Variants in ABCB11 observed in about 807,000 individuals in gnomAD.
ABCB11 encodes the protein bile salt export pump.
ABCB11 carries 95 observed loss-of-function variants against 148.0 expected under a neutral mutation model. The ratio of observed to expected loss-of-function variants is 0.64; its 90% confidence interval spans 0.54 to 0.76. The LOEUF is 0.76. ABCB11 is among the 30% of genes least tolerant of loss of function. The pLI, the probability that ABCB11 is intolerant of heterozygous loss-of-function variation, is 0.00. For synonymous variants in ABCB11, 591 were observed against 555.4 expected, an observed-to-expected ratio of 1.06 and a Z score of -0.90; for missense variants, 1,523 against 1,617.8, an observed-to-expected ratio of 0.94 and a Z score of 1.01.
downstream of ABCB11, among the ~76,000 whole-genome samples, chr2:168,919,413 C>T (rs1353717667): frequency 6.6e-6 from 1 of 152,140 alleles, no homozygotes; most frequent in Non-Finnish European, 1.5e-5. Flanking sequence ...ACCCACCAGG[C>T]ATTCTAGCAG....
chr2:168,986,602 G>A (rs549494053), intron 9 of ABCB11, among the ~76,000 whole-genome samples: 1 of 152,212 alleles, frequency 6.6e-6, no homozygotes, highest in Non-Finnish European at 1.5e-5. Context: ...CTAGTATTAT[G>A]TTTGAAGTGT....
chr2:168,975,615 T>G lies in ABCB11; in HGVS notation c.1308+962A>C, dbSNP rs1415408702. The stretch of plus-strand genomic sequence containing the variant: ...CATAAATATTTTTATATTTAAATAT[T>G]TATAGATAAATATATATTTACATAT... On this transcript the variant is annotated intron_variant, in intron 12 of 27. Coordinates refer to ENST00000650372, the MANE Select transcript of ABCB11 (RefSeq NM_003742.4). Among the ~76,000 whole-genome samples the G allele has an allele frequency of 9.2e-5, 8 of 86,754 alleles. 4 individuals are homozygous for G. Among genetic ancestry groups the G allele is most frequent in the Non-Finnish European group, 1.9e-4 (8 of 41,474 alleles). The allele number at this position is 86,754 out of a possible 152,430, so 56.9% of individuals were successfully genotyped here.
intron 1 of ABCB11, among the ~76,000 whole-genome samples, chr2:169,019,379 G>T (rs1004929679): frequency 2.6e-5 from 4 of 152,182 alleles, no homozygotes; most frequent in African/African-American, 9.6e-5. Flanking sequence ...TAGACACCAA[G>T]AATTGATTGG....
At chr2:169,011,138 C>G (rs1000988822) in intron 5 of ABCB11, among the ~76,000 whole-genome samples, 2 of 152,118 alleles carry the variant, frequency 1.3e-5, no homozygotes, top group African/African-American at 2.4e-5. Context: ...TCATAAGCAC[C>G]TAGTATCATG....
At chr2:168,939,892 A>G (rs967531282) in intron 21 of ABCB11, among the ~76,000 whole-genome samples, 1 of 152,064 alleles carries the variant, frequency 6.6e-6, no homozygotes, top group African/African-American at 2.4e-5. Context: ...TATATCTGTT[A>G]TGGTGATCTG....
chr2:168,978,813 G>C (rs1694027372), intron 11 of ABCB11, among the ~76,000 whole-genome samples: 1 of 152,116 alleles, frequency 6.6e-6, no homozygotes, highest in Non-Finnish European at 1.5e-5. Context: ...CGGCCACCCT[G>C]GGCTCAGGTG....
rs114975724 is a variant in ABCB11, at chr2:169,012,359, T to G, written c.389+913A>C. 2.0e-5 allele frequency among the ~76,000 whole-genome samples: 3 copies of G among 152,250 alleles called. 1 individual carries two copies. In the South Asian group the frequency reaches 6.2e-4, roughly 32 times the overall value. On this transcript the variant is annotated intron_variant, in intron 5 of 27. Coordinates refer to ENST00000650372, the MANE Select transcript of ABCB11 (RefSeq NM_003742.4). ...AGCCCTGAGTACACGACAGACTCAC[T>G]GATTACAAGGTGGCCTGTCAGGCTT...
In ABCB11 at chr2:168,969,542, C is replaced by T. The variant is rs2105958387; in HGVS notation, c.1819G>A (p.Gly607Arg). 1 of 1,611,994 alleles carries T rather than the reference C, an allele frequency of 6.2e-7. No individual in the cohort carries two copies. The highest frequency in any genetic ancestry group is 2.2e-5 in the East Asian group (1 of 44,672). The change falls in exon 16 of 28, where the codon GGG becomes AGG. Residue 607 changes from glycine to arginine, a missense_variant. Physicochemically the swap from Gly to Arg is moderately radical, Grantham distance 125. Coordinates refer to ENST00000650372, the MANE Select transcript of ABCB11 (RefSeq NM_003742.4). Reference protein sequence around the residue: ...VQEVLSKIQHGHTIISVAHRL... With the variant: ...VQEVLSKIQHRHTIISVAHRL... ...TGAGCAACTGAAATGATTGTGTGCC[C>T]ATGCTGAATCTGTAAGAATGTACAG...
rs1460929408 is a variant in ABCB11 at position 168,922,721 on chromosome 2, G to A, written c.*901C>T. Among the ~76,000 whole-genome samples, 1 of 152,150 alleles carries A rather than the reference G, an allele frequency of 6.6e-6. No individual in the cohort carries two copies. Among genetic ancestry groups the A allele is most frequent in the Non-Finnish European group, 1.5e-5 (1 of 68,024 alleles). On this transcript the variant is annotated 3_prime_UTR_variant, in exon 28 of 28. Coordinates refer to ENST00000650372, the MANE Select transcript of ABCB11 (RefSeq NM_003742.4). ...TATGTCATTCTGTGGTGTTTTGAGG[G>A]AGCAGGGGCAAATGAGTGCTTTTCT...
intron 13 of ABCB11, 116 bp downstream of exon 13, chr2:168,973,599 T>A: frequency 2.3e-6 from 3 of 1,285,014 alleles, no homozygotes; most frequent in Non-Finnish European, 3.2e-6. Flanking sequence ...AATCATTAAG[T>A]TAACTATGCA....
intron 7 of ABCB11, 101 bp downstream of exon 7, chr2:168,995,248 T>A (rs540148956): frequency 3.7e-6 from 5 of 1,343,386 alleles, no homozygotes; most frequent in East Asian, 2.6e-5. Context: ...AGATGAAACA[T>A]AGGAAAACTG....
At chr2:168,932,679 T>C (rs562691075) in intron 23 of ABCB11, 146 bp from the exon 24 acceptor site, 16 of 971,888 alleles carry the variant, frequency 1.6e-5, no homozygotes, top group East Asian at 1.1e-4. Context: ...TGTCTGGAAA[T>C]GGAGAGGGTG....
downstream of ABCB11, among the ~76,000 whole-genome samples, chr2:168,919,084 C>A (rs1443769231): frequency 6.6e-6 from 1 of 151,900 alleles, no homozygotes; most frequent in Non-Finnish European, 1.5e-5. Context: ...AATATGAGGA[C>A]CACAAGGATC....
intron 19 of ABCB11, among the ~76,000 whole-genome samples, chr2:168,952,245 A>G (rs1467685705): frequency 1.3e-5 from 2 of 151,722 alleles, no homozygotes; most frequent in Non-Finnish European, 3.0e-5. Flanking sequence ...GCCTTGTAGA[A>G]TGAGTTAGGG....
chr2:169,012,769 A>G (rs1695227615), intron 5 of ABCB11, among the ~76,000 whole-genome samples: 1 of 151,576 alleles, frequency 6.6e-6, no homozygotes, highest in Non-Finnish European at 1.5e-5. Context: ...AAAGAAAAAA[A>G]CAAACTCAAC....
chr2:168,977,046 T>G (rs28374129), intron 11 of ABCB11, among the ~76,000 whole-genome samples: 1 of 147,932 alleles, frequency 6.8e-6, no homozygotes, highest in Non-Finnish European at 1.5e-5. Flanking sequence ...TATTTAATTG[T>G]TATTATTTAT....
In ABCB11 at chr2:168,927,254, T is replaced by C; in HGVS notation, c.3520A>G (p.Ile1174Val). ...VLFACSIMDN[I>V]KYGDNTKEIP... ...TCTTTGGTGTTGTCTCCATACTTGA[T>C]ATTGTCCATTATGCTACAGGCAAAC... The change falls in exon 26 of 28, where the codon ATC becomes GTC. Residue 1174 changes from isoleucine to valine, a missense_variant. By Grantham distance (29) the Ile-to-Val change is conservative. Coordinates refer to ENST00000650372, the MANE Select transcript of ABCB11 (RefSeq NM_003742.4). 6.2e-7 allele frequency: 1 copy of C among 1,613,904 alleles called. No individual in the cohort carries two copies. Among genetic ancestry groups the C allele is most frequent in the East Asian group, 2.2e-5 (1 of 44,872 alleles).
rs11568371 is a variant in ABCB11 at position 168,970,063 on chromosome 2, C to A, written c.1791G>T (p.Val597=). 6.7e-3 allele frequency: 10,776 copies of A among 1,610,312 alleles called. 639 individuals are homozygous for A. The South Asian group carries it at 0.11, about 16-fold the overall frequency. ...SALDNESEAM[V]QEVLSKIQHG... Reference sequence around the variant, plus strand: ...CACAAACCTTACTCAGCACTTCTTGCACCATGGCTTCACTCTCATTGTCCA... The same window carrying A: ...CACAAACCTTACTCAGCACTTCTTGAACCATGGCTTCACTCTCATTGTCCA... The change falls in exon 15 of 28, where the codon GTG becomes GTT. Residue 597 remains valine (V), a synonymous_variant. Coordinates refer to ENST00000650372, the MANE Select transcript of ABCB11 (RefSeq NM_003742.4).
intron 9 of ABCB11, 53 bp downstream of exon 9, chr2:168,990,748 G>A (rs1694487228): frequency 1.2e-6 from 2 of 1,605,606 alleles, no homozygotes; most frequent in East Asian, 2.2e-5. Context: ...GAGACTCAGG[G>A]TACTATGCTG....
Sources: gnomAD v4.1 joint callset for allele counts (sites outside exome capture counted in the v4.1 genomes callset) on GRCh38, gnomAD v4.1.1 for gene constraint, MANE v1.5 for transcripts, NCBI Gene and HGNC (gene_info 2026-07-23, HGNC 2026-07-21) for gene names.